The following AKT3 variants were observed in gnomAD, a reference collection of about 807,000 sequenced individuals.
AKT3 encodes the protein AKT serine/threonine kinase 3.
A neutral mutation model predicts 65.3 loss-of-function variants in AKT3; 15 were observed. The ratio of observed to expected loss-of-function variants is 0.23; its 90% confidence interval spans 0.15 to 0.35. The LOEUF (loss-of-function observed/expected upper bound fraction) is 0.35, where lower values mean the gene tolerates loss of function less well. AKT3 is among the 10% of genes least tolerant of loss of function. AKT3 has a pLI of 1.00. For synonymous variants in AKT3, 206 were observed against 183.8 expected, an observed-to-expected ratio of 1.12 and a Z score of -0.98; for missense variants, 243 against 576.5, an observed-to-expected ratio of 0.42 and a Z score of 5.92.
intron 2 of AKT3, chr1:243,740,909 C>G (rs1336959118): frequency 6.6e-6 from 1 of 152,050 alleles, no homozygotes; most frequent in East Asian, 1.9e-4. Context: ...CTCTAGAAAC[C>G]CCAATCCTTC....
At position 243,505,186 on chromosome 1, in the gene AKT3, T is replaced by C. The variant is rs1669587021; in HGVS notation, c.*63A>G. The C allele has an allele frequency of 6.8e-7, 1 of 1,473,516 alleles. No individual in the cohort carries two copies. The highest frequency in any genetic ancestry group is 9.5e-7 in the Non-Finnish European group (1 of 1,055,808). The allele number at this position is 1,473,516 out of a possible 1,614,324, so 91.3% of individuals were successfully genotyped here. A position where few individuals can be genotyped will look rare whatever the true frequency, so the allele number is the denominator to read the frequency against. ...TATGTGTAAGAGCTAGGACTGGTGA[T>C]GTCCAGGAATCATTTTCAGTAATAA... On this transcript the variant is annotated 3_prime_UTR_variant, in exon 14 of 14. Coordinates refer to ENST00000673466, the MANE Select transcript of AKT3 (RefSeq NM_005465.7).
intron 8 of AKT3, among the ~76,000 whole-genome samples, chr1:243,586,552 A>C (rs1675826467): frequency 6.6e-6 from 1 of 152,228 alleles, no homozygotes. Context: ...AGTCGTAAAA[A>C]GAACAAAATC....
intron 6 of AKT3, among the ~76,000 whole-genome samples, chr1:243,632,300 G>C (rs954897831): frequency 1.3e-5 from 2 of 152,192 alleles, no homozygotes; most frequent in Non-Finnish European, 2.9e-5. Flanking sequence ...TGGGTTAGCA[G>C]GCATGAAAAC....
chr1:243,604,889 T>C (rs1236072030), intron 8 of AKT3, among the ~76,000 whole-genome samples: 4 of 152,200 alleles, frequency 2.6e-5, no homozygotes, highest in Admixed American at 2.0e-4. Context: ...AGTTAATCCA[T>C]AAGGTATCAA....
rs758329804 is a variant in AKT3 at position 243,843,157 on chromosome 1, G to A, written c.14C>T (p.Thr5Ile). ...CTGAACCCAACCTTCTTTCACAATG[G>A]TAACATCGCTCATGATGACTCCCCT... MSDV[T>I]IVKEGWVQKR... Residue 5 changes from threonine (T) to isoleucine (I), a missense_variant, in exon 2 of 14, where the codon ACC becomes ATC. Thr to Ile is a moderately conservative substitution (Grantham distance 89). Coordinates refer to ENST00000673466, the MANE Select transcript of AKT3 (RefSeq NM_005465.7). 7 of 1,613,860 alleles carry A rather than the reference G, an allele frequency of 4.3e-6. No homozygotes were observed. The Admixed American group carries it at 1.0e-4, about 23-fold the overall frequency.
intron 2 of AKT3, among the ~76,000 whole-genome samples, chr1:243,750,824 T>C (rs1455434663): frequency 3.3e-5 from 5 of 152,016 alleles, no homozygotes; most frequent in Non-Finnish European, 7.4e-5. Context: ...TCCGGTGATC[T>C]GCCCGCCTCG....
In AKT3 at chr1:243,619,924, A is replaced by G. The variant is rs139760333; in HGVS notation, c.562-4763T>C. On this transcript the variant is annotated intron_variant, in intron 6 of 13. Coordinates refer to ENST00000673466, the MANE Select transcript of AKT3 (RefSeq NM_005465.7). ...TTCTATAGTGGTTATACTGATTTACATTCCCACCAACAGCATAGGAGAGTT... is the reference window on the plus strand; with the variant it reads ...TTCTATAGTGGTTATACTGATTTACGTTCCCACCAACAGCATAGGAGAGTT... Among the ~76,000 whole-genome samples the G allele has an allele frequency of 3.7e-3, 363 of 98,408 alleles. 47 individuals are homozygous for G. The highest frequency in any genetic ancestry group is 9.1e-3 in the African/African-American group (348 of 38,212). 64.6% of individuals were successfully genotyped at this position (98,408 alleles called of 152,430 possible).
At chr1:243,551,943 T>C (rs1264790963) in intron 11 of AKT3, among the ~76,000 whole-genome samples, 1 of 152,172 alleles carries the variant, frequency 6.6e-6, no homozygotes, top group Non-Finnish European at 1.5e-5. Context: ...CAATTATTTT[T>C]TGCCATCAAC....
At chr1:243,790,007 C>G (rs886259668) in intron 2 of AKT3, among the ~76,000 whole-genome samples, 2 of 152,192 alleles carry the variant, frequency 1.3e-5, no homozygotes, top group African/African-American at 4.8e-5. Flanking sequence ...CTTCCAGGCT[C>G]TCTTTTTCCA....
At chr1:243,767,593 T>TA (rs1346711195) in intron 2 of AKT3, among the ~76,000 whole-genome samples, 6 of 152,056 alleles carry the variant, frequency 3.9e-5, no homozygotes, top group Admixed American at 6.6e-5. Context: ...ATTTTCAAGT[T>TA]AAAAAAATAC....
chr1:243,790,503 T>C (rs1389721895), intron 2 of AKT3, among the ~76,000 whole-genome samples: 1 of 152,234 alleles, frequency 6.6e-6, no homozygotes, highest in Admixed American at 6.5e-5. Flanking sequence ...TAGGGAAATG[T>C]TGTGGCTGGT....
chr1:243,715,487 A>T (rs910949521), intron 2 of AKT3, among the ~76,000 whole-genome samples: 1 of 152,086 alleles, frequency 6.6e-6, no homozygotes, highest in African/African-American at 2.4e-5. Context: ...TTTGATTGAG[A>T]AATATGTGAC....
At chr1:243,828,677 T>G (rs1694321290) in intron 2 of AKT3, among the ~76,000 whole-genome samples, 1 of 152,158 alleles carries the variant, frequency 6.6e-6, no homozygotes, top group African/African-American at 2.4e-5. Flanking sequence ...ATACAGTACA[T>G]TATATATAAA....
At chr1:243,650,304 T>C (rs1413900307) in intron 4 of AKT3, among the ~76,000 whole-genome samples, 2 of 152,256 alleles carry the variant, frequency 1.3e-5, no homozygotes, top group Admixed American at 6.5e-5. Flanking sequence ...TTCTGGATAT[T>C]AGCCCTTTGT....
At chr1:243,553,010 A>G (rs1024864857) in intron 10 of AKT3, 67 bp from the exon 11 acceptor site, 31 of 1,267,292 alleles carry the variant, frequency 2.4e-5, no homozygotes, top group South Asian at 1.2e-4. Context: ...TTCATAAAAC[A>G]TAAGATTTTT....
At chr1:243,689,163 A>C (rs1292799375) in intron 3 of AKT3, among the ~76,000 whole-genome samples, 1 of 152,158 alleles carries the variant, frequency 6.6e-6, no homozygotes, top group Non-Finnish European at 1.5e-5. Context: ...ATAGTCAATG[A>C]CAAATTCTTA....
chr1:243,573,166 T>C (rs1574632391), intron 8 of AKT3, 118 bp from the exon 9 acceptor site: 2 of 1,205,758 alleles, frequency 1.7e-6, no homozygotes, highest in East Asian at 2.5e-5. Context: ...GTACTCTCAG[T>C]GGACACTGAG....
intron 2 of AKT3, among the ~76,000 whole-genome samples, chr1:243,722,634 G>A (rs1315250202): frequency 1.3e-5 from 2 of 152,106 alleles, no homozygotes; most frequent in African/African-American, 4.8e-5. Flanking sequence ...GAGAACCCTG[G>A]ATGAGAATGA....
At chr1:243,748,009 G>A (rs1688583841) in intron 2 of AKT3, among the ~76,000 whole-genome samples, 1 of 152,076 alleles carries the variant, frequency 6.6e-6, no homozygotes, top group South Asian at 2.1e-4. Context: ...AGGCCCAACG[G>A]TTCTAGCAAT....
Sources: allele counts gnomAD v4.1 joint callset (sites outside exome capture counted in the v4.1 genomes callset), GRCh38; gene constraint gnomAD v4.1.1; transcripts MANE v1.5; gene names NCBI Gene and HGNC (gene_info 2026-07-23, HGNC 2026-07-21).